The following EGFLAM variants were observed in gnomAD, a reference collection of about 807,000 sequenced individuals.
EGFLAM encodes EGF like, fibronectin type III and laminin G domains.
EGFLAM carries 79 observed loss-of-function variants against 113.1 expected under a neutral mutation model. The ratio of observed to expected loss-of-function variants is 0.70; its 90% CI spans 0.58 to 0.84. EGFLAM has a LOEUF of 0.84. EGFLAM is among the 40% of genes least tolerant of loss of function. The pLI, the probability that EGFLAM is intolerant of heterozygous loss-of-function variation, is 0.00. For missense variants in EGFLAM, 1,265 were observed against 1,291.6 expected (o/e 0.98, Z 0.32); for synonymous variants, 504 against 487.6 (o/e 1.03, Z -0.44).
chr5:38,258,695 G>C lies in EGFLAM; in HGVS notation c.-60G>C. 3.2e-6 allele frequency: 5 copies of C among 1,552,468 alleles called. No individual in the cohort carries two copies. The highest frequency in any genetic ancestry group is 2.4e-5 in the East Asian group (1 of 41,504). On this transcript the variant is annotated 5_prime_UTR_variant, in exon 1 of 22. Transcript: ENST00000322350. ...GGGCCGCGTCCCCCACGCGCCCCCG[G>C]AGACGCCCTTTCCGTGTGCGCCCGG...
intron 1 of EGFLAM, among the ~76,000 whole-genome samples, chr5:38,310,841 C>T (rs1231807642): frequency 6.6e-6 from 1 of 152,176 alleles, no homozygotes; most frequent in Non-Finnish European, 1.5e-5. Flanking sequence ...TTCCTTGTCA[C>T]AAAGAGTTGT....
At chr5:38,404,005 A>G in intron 6 of EGFLAM, 4 of 1,585,602 alleles carry the variant, frequency 2.5e-6, no homozygotes, top group South Asian at 1.1e-5. Context: ...TTGTTATCCC[A>G]CCTCCACCAA....
intron 6 of EGFLAM, among the ~76,000 whole-genome samples, chr5:38,387,207 C>A (rs1216508325): frequency 2.6e-5 from 4 of 152,198 alleles, no homozygotes; most frequent in Admixed American, 2.6e-4. Context: ...AGAAACCCAT[C>A]CTGCAGCTCA....
At chr5:38,345,313 A>G (rs1739447266) in intron 3 of EGFLAM, 1 of 152,246 alleles carries the variant, frequency 6.6e-6, no homozygotes, top group Non-Finnish European at 1.5e-5. Flanking sequence ...CCAAAATGCT[A>G]TATAAATGAA....
At chr5:38,285,983 C>G (rs1758151767) in intron 1 of EGFLAM, 1 of 152,154 alleles carries the variant, frequency 6.6e-6, no homozygotes, top group Non-Finnish European at 1.5e-5. Context: ...TTTTGCTCAC[C>G]ATGATTTAGT....
intron 5 of EGFLAM, among the ~76,000 whole-genome samples, chr5:38,366,678 G>A (rs1740068803): frequency 6.6e-6 from 1 of 152,202 alleles, no homozygotes. Flanking sequence ...TTCCTTCAGT[G>A]ACCATGTAGG....
chr5:38,403,004 G>A (rs1176291614), intron 6 of EGFLAM, among the ~76,000 whole-genome samples: 4 of 152,208 alleles, frequency 2.6e-5, no homozygotes, highest in Admixed American at 2.6e-4. Context: ...CCAAACTACT[G>A]AAGACAAAAG....
chr5:38,358,359 A>G (rs1260932919), intron 5 of EGFLAM, among the ~76,000 whole-genome samples: 1 of 140,208 alleles, frequency 7.1e-6, no homozygotes, highest in East Asian at 2.3e-4. Flanking sequence ...AGGCAGAAGA[A>G]TTGTGTGAAC....
chr5:38,280,521 T>C (rs1186347273), intron 1 of EGFLAM, among the ~76,000 whole-genome samples: 1 of 152,136 alleles, frequency 6.6e-6, no homozygotes, highest in Non-Finnish European at 1.5e-5. Flanking sequence ...CTCTCTCCTT[T>C]AGTACAGCTT....
intron 20 of EGFLAM, 152 bp downstream of exon 20, chr5:38,458,546 A>G (rs954297714): frequency 2.9e-6 from 2 of 684,552 alleles, no homozygotes; most frequent in African/African-American, 1.8e-5. Flanking sequence ...TTTTCTACCA[A>G]TTCCCGCTGT....
chr5:38,372,086 C>T (rs140696237), intron 6 of EGFLAM, among the ~76,000 whole-genome samples: 165 of 151,826 alleles, frequency 1.1e-3, no homozygotes, highest in Middle Eastern at 6.9e-3. Flanking sequence ...TTTAGATGTG[C>T]GCATAGAGAC....
chr5:38,424,486 G>A (rs1391575953), intron 12 of EGFLAM, among the ~76,000 whole-genome samples: 1 of 152,216 alleles, frequency 6.6e-6, no homozygotes, highest in Admixed American at 6.5e-5. Context: ...ACGTGGCTGG[G>A]TAACTCCTTC....
intron 1 of EGFLAM, among the ~76,000 whole-genome samples, chr5:38,293,730 G>A (rs1758392335): frequency 6.6e-6 from 1 of 152,088 alleles, no homozygotes; most frequent in African/African-American, 2.4e-5. Context: ...TCTTTATTAT[G>A]ATTATTCATA....
chr5:38,331,293 C>A lies in EGFLAM; in HGVS notation c.98-6227C>A, dbSNP rs1014043800. ...TAGTTTACATTAGGGTTCACTTTTT[C>A]TGTTGTACATTCTATGGGTTTAAAC... On this transcript the variant is annotated intron_variant, in intron 1 of 21. Coordinates refer to ENST00000322350, the MANE Select transcript of EGFLAM (RefSeq NM_152403.4). Among the ~76,000 whole-genome samples, 3 of 152,254 alleles carry A rather than the reference C, an allele frequency of 2.0e-5. No individual in the cohort carries two copies. The East Asian group carries it at 5.8e-4, about 29-fold the overall frequency.
At chr5:38,392,678 A>G (rs1200182722) in intron 6 of EGFLAM, among the ~76,000 whole-genome samples, 3 of 151,162 alleles carry the variant, frequency 2.0e-5, no homozygotes, top group African/African-American at 7.4e-5. Flanking sequence ...AGTGTTCATC[A>G]TCTTCATTTT....
intron 18 of EGFLAM, among the ~76,000 whole-genome samples, chr5:38,449,900 C>T (rs1272142040): frequency 6.6e-6 from 1 of 152,102 alleles, no homozygotes; most frequent in Non-Finnish European, 1.5e-5. Flanking sequence ...AGCAGCTGTA[C>T]CCTCAAATAT....
chr5:38,384,245 C>G (rs577817121), intron 6 of EGFLAM, among the ~76,000 whole-genome samples: 1 of 152,228 alleles, frequency 6.6e-6, no homozygotes, highest in East Asian at 1.9e-4. Flanking sequence ...ATTGAAGAAC[C>G]TAGCCAGACT....
At chr5:38,360,358 G>T (rs1739886172) in intron 5 of EGFLAM, among the ~76,000 whole-genome samples, 1 of 152,176 alleles carries the variant, frequency 6.6e-6, no homozygotes, top group East Asian at 1.9e-4. Context: ...AGGAGAGATG[G>T]TTCTGAACCA....
chr5:38,261,442 A>G (rs908621335), intron 1 of EGFLAM, among the ~76,000 whole-genome samples: 1 of 152,216 alleles, frequency 6.6e-6, no homozygotes, highest in Admixed American at 6.5e-5. Context: ...GACTATTATT[A>G]TCACTGTTTT....
Sources: allele counts gnomAD v4.1 joint callset (sites outside exome capture counted in the v4.1 genomes callset), GRCh38; gene constraint gnomAD v4.1.1; transcripts MANE v1.5; gene names NCBI Gene and HGNC (gene_info 2026-07-23, HGNC 2026-07-21).